LAMA2: variants seen among roughly 807,000 people sequenced by gnomAD.
LAMA2 encodes laminin subunit alpha 2.
In LAMA2, 269 loss-of-function variants were observed where a neutral mutation model predicts 364.8. The observed-to-expected ratio is 0.74, with a 90% CI of 0.67 to 0.82. The LOEUF is 0.82. LAMA2 is among the 40% of genes least tolerant of loss of function. The pLI is 0.00. For synonymous variants in LAMA2, 1,379 were observed against 1,370.6 expected, an observed-to-expected ratio of 1.01 and a Z score of -0.14; for missense variants, 3,807 against 3,873.2, an observed-to-expected ratio of 0.98 and a Z score of 0.45.
chr6:129,028,600 A>G (rs998181426), intron 1 of LAMA2, among the ~76,000 whole-genome samples: 1 of 151,820 alleles, frequency 6.6e-6, no homozygotes, highest in African/African-American at 2.4e-5. Context: ...GAATTCTAAA[A>G]ATATTGTTTA....
Position 129,007,771 on chromosome 6 carries a change from G to C in LAMA2, c.113-42147G>C, listed in dbSNP as rs1021199825. Among the ~76,000 whole-genome samples the C allele has an allele frequency of 2.6e-5, 4 of 152,240 alleles. 1 individual carries two copies. Among genetic ancestry groups the C allele is most frequent in the Admixed American group, 2.6e-4 (4 of 15,292 alleles). The stretch of plus-strand genomic sequence containing the variant: ...GGCTGCCATTTTTTTCCTAAGAGCT[G>C]TTATACATTGAGCATACCTAAATTG... On this transcript the variant is annotated intron_variant, in intron 1 of 64. Transcript: ENST00000421865.
At chr6:129,328,504 AAGGG>A (rs1200593445) in intron 29 of LAMA2, 92 bp downstream of exon 29, 7 of 1,585,420 alleles carry the variant, frequency 4.4e-6, no homozygotes, top group Non-Finnish European at 6.1e-6. Flanking sequence ...GCTAAACTGT[AAGGG>A]AATGCAACTG....
At chr6:129,366,522 C>G (rs1349253074) in intron 33 of LAMA2, among the ~76,000 whole-genome samples, 161 bp downstream of exon 33, 1 of 152,074 alleles carries the variant, frequency 6.6e-6, no homozygotes, top group Non-Finnish European at 1.5e-5. Context: ...TTTTCAAACT[C>G]AAGAACTATA....
At chr6:128,933,550 G>A in intron 1 of LAMA2, among the ~76,000 whole-genome samples, 1 of 152,202 alleles carries the variant, frequency 6.6e-6, no homozygotes, top group Non-Finnish European at 1.5e-5. Flanking sequence ...AAGTGTAGAA[G>A]GGTTTCTTTT....
intron 1 of LAMA2, among the ~76,000 whole-genome samples, chr6:128,886,933 A>C (rs1301447463): frequency 6.6e-6 from 1 of 152,222 alleles, no homozygotes; most frequent in African/African-American, 2.4e-5. Flanking sequence ...GTTAAGACTC[A>C]TCAACTGTCT....
In LAMA2 at chr6:129,516,271, G is replaced by A; in HGVS notation, c.9293G>A (p.Gly3098Asp). ...TCCCTGAAGCTCACCAAAGGCACAG[G>A]CAAGCCACTGGAGGTTAATTTTGCC... Reference protein sequence around the residue: ...IRSLKLTKGTGKPLEVNFAKA... With the variant: ...IRSLKLTKGTDKPLEVNFAKA... The change falls in exon 65 of 65, where the codon GGC becomes GAC. Residue 3098 changes from glycine (G) to aspartate (D), a missense_variant. Physicochemically the swap from Gly to Asp is moderately conservative, Grantham distance 94 (BLOSUM62 -1). Around this residue, in one of 3 missense-constraint regions of LAMA2, gnomAD observed 3,333 missense variants for 3,345.7 expected, o/e 1.00. Transcript: ENST00000421865. 1 of 1,614,088 alleles carries A rather than the reference G, an allele frequency of 6.2e-7. No homozygotes were observed. The highest frequency in any genetic ancestry group is 8.5e-7 in the Non-Finnish European group (1 of 1,180,012).
At chr6:129,272,273 G>A (rs994677823) in intron 17 of LAMA2, among the ~76,000 whole-genome samples, 18 of 152,050 alleles carry the variant, frequency 1.2e-4, no homozygotes, top group Non-Finnish European at 2.4e-4. Context: ...TTAAATGCTG[G>A]GTTCCATACT....
intron 40 of LAMA2, among the ~76,000 whole-genome samples, chr6:129,407,598 G>A (rs1780311710): frequency 6.6e-6 from 1 of 152,194 alleles, no homozygotes; most frequent in South Asian, 2.1e-4. Flanking sequence ...CTTCATTTCT[G>A]CAACTGGCCA....
chr6:129,441,790 G>A (rs1405885400), intron 43 of LAMA2, among the ~76,000 whole-genome samples: 3 of 152,178 alleles, frequency 2.0e-5, no homozygotes, highest in East Asian at 3.9e-4. Flanking sequence ...ACCAGCCTGG[G>A]CACCATAGCA....
At chr6:129,023,278 C>T (rs1785566387) in intron 1 of LAMA2, among the ~76,000 whole-genome samples, 1 of 152,162 alleles carries the variant, frequency 6.6e-6, no homozygotes, top group African/African-American at 2.4e-5. Flanking sequence ...TTTGGGGACT[C>T]TCTTCCATGA....
At chr6:129,040,051 A>C (rs1047962071) in intron 1 of LAMA2, among the ~76,000 whole-genome samples, 1 of 152,216 alleles carries the variant, frequency 6.6e-6, no homozygotes, top group Non-Finnish European at 1.5e-5. Context: ...AATTTGAGGT[A>C]GAGACAAAAA....
intron 1 of LAMA2, among the ~76,000 whole-genome samples, chr6:128,957,637 C>CT (rs1206571034): frequency 1.8e-4 from 28 of 151,586 alleles, no homozygotes; most frequent in South Asian, 8.4e-4. Flanking sequence ...TAGAATAATC[C>CT]TTTTTTGTTG....
At chr6:128,907,736 G>A (rs1777586068) in intron 1 of LAMA2, among the ~76,000 whole-genome samples, 1 of 152,140 alleles carries the variant, frequency 6.6e-6, no homozygotes, top group Non-Finnish European at 1.5e-5. Context: ...AATGCTTCCA[G>A]TTTTTGCCAA....
intron 1 of LAMA2, among the ~76,000 whole-genome samples, chr6:128,972,271 A>T (rs1052561053): frequency 2.0e-5 from 3 of 152,220 alleles, no homozygotes; most frequent in Non-Finnish European, 4.4e-5. Flanking sequence ...AGGACAGTTT[A>T]TTAATTAAGA....
At chr6:129,059,506 A>C (rs1316645057) in intron 2 of LAMA2, among the ~76,000 whole-genome samples, 1 of 152,138 alleles carries the variant, frequency 6.6e-6, no homozygotes, top group Non-Finnish European at 1.5e-5. Flanking sequence ...GTTACCTTTA[A>C]AATTGCCCAT....
intron 1 of LAMA2, among the ~76,000 whole-genome samples, chr6:129,006,484 T>A (rs1784446629): frequency 1.3e-5 from 2 of 152,160 alleles, no homozygotes; most frequent in Non-Finnish European, 2.9e-5. Context: ...TCAGCCTTAG[T>A]GAAGGGTGTC....
At chr6:129,223,194 T>C (rs1054316074) in intron 12 of LAMA2, among the ~76,000 whole-genome samples, 3 of 152,186 alleles carry the variant, frequency 2.0e-5, no homozygotes, top group Non-Finnish European at 2.9e-5. Context: ...GGGTTATTTG[T>C]TTTTTTCTTG....
chr6:129,173,567 C>T (rs1299607579), intron 9 of LAMA2, among the ~76,000 whole-genome samples: 1 of 152,118 alleles, frequency 6.6e-6, no homozygotes, highest in Non-Finnish European at 1.5e-5. Flanking sequence ...ACATTCAGCT[C>T]TGGACCAATA....
intron 4 of LAMA2, among the ~76,000 whole-genome samples, chr6:129,103,406 C>T (rs1290730231): frequency 6.6e-6 from 1 of 152,114 alleles, no homozygotes; most frequent in Non-Finnish European, 1.5e-5. Context: ...AATGACAATG[C>T]ACATGTTAAA....
Sources: allele counts gnomAD v4.1 joint callset (sites outside exome capture counted in the v4.1 genomes callset), GRCh38; gene constraint gnomAD v4.1.1; regional missense constraint gnomAD v4.1.1; transcripts MANE v1.5; gene names NCBI Gene and HGNC (gene_info 2026-07-23, HGNC 2026-07-21).